Variants in LSM12 observed in about 807,000 individuals in gnomAD.
The protein encoded by LSM12 is protein LSM12.
For missense variants in LSM12, 108 were observed against 238.9 expected, an observed-to-expected ratio of 0.45 and a Z score of 3.61; for synonymous variants, 74 against 87.3, an observed-to-expected ratio of 0.85 and a Z score of 0.85.
chr17:44,063,077 C>T (rs1455643371), intron 2 of LSM12, among the ~76,000 whole-genome samples: 4 of 151,692 alleles, frequency 2.6e-5, no homozygotes, highest in South Asian at 2.1e-4. Flanking sequence ...TCAAAAAAAA[C>T]GCCGGGCGCA....
intron 3 of LSM12, among the ~76,000 whole-genome samples, chr17:44,038,962 G>A (rs1213234762): frequency 6.6e-6 from 1 of 152,200 alleles, no homozygotes; most frequent in Non-Finnish European, 1.5e-5. Flanking sequence ...ATGGCAGTGT[G>A]GGGTGGGGGG....
chr17:44,040,118 G>A lies in LSM12; in HGVS notation c.368+29C>T, dbSNP rs116244575. Reference sequence around the variant, plus strand: ...GCACAACCAGGTAGCATTACCCCAGGACAAAGGACCTCTCCGATCCCAACT... The same window carrying A: ...GCACAACCAGGTAGCATTACCCCAGAACAAAGGACCTCTCCGATCCCAACT... On this transcript the variant is annotated intron_variant, in intron 3 of 4. Transcript: ENST00000293406. 2,661 of 1,560,988 alleles carry A rather than the reference G, an allele frequency of 1.7e-3. 40 individuals carry two copies. The African/African-American group carries it at 0.032, about 19-fold the overall frequency.
At chr17:44,038,108 G>A (rs1272606300) in intron 3 of LSM12, among the ~76,000 whole-genome samples, 1 of 152,084 alleles carries the variant, frequency 6.6e-6, no homozygotes, top group Non-Finnish European at 1.5e-5. Context: ...CCGCGCTTTG[G>A]GAGGCCGAGG....
chr17:44,066,404 C>A lies in LSM12; in HGVS notation c.124+60G>T. ...CCCCAGCCGCCGCCGTCGTCCCCCA[C>A]CCCCCGACCACCGCACCTACACGCC... On this transcript the variant is annotated intron_variant, in intron 1 of 4. Transcript: ENST00000293406. 6 of 1,480,844 alleles carry A rather than the reference C, an allele frequency of 4.1e-6. No homozygotes were observed. The South Asian group carries it at 5.1e-5, about 13-fold the overall frequency. 91.7% of individuals were successfully genotyped at this position (1,480,844 alleles called of 1,614,324 possible).
intron 2 of LSM12, among the ~76,000 whole-genome samples, chr17:44,061,699 G>A (rs2049797653): frequency 6.6e-6 from 1 of 152,098 alleles, no homozygotes; most frequent in Admixed American, 6.6e-5. Flanking sequence ...TCCCAAGAGA[G>A]GCAAAGTAAT....
At chr17:44,038,696 C>G (rs2049448166) in intron 3 of LSM12, among the ~76,000 whole-genome samples, 1 of 152,142 alleles carries the variant, frequency 6.6e-6, no homozygotes, top group African/African-American at 2.4e-5. Flanking sequence ...TTCCTATGAT[C>G]TGTACTCTGA....
intron 2 of LSM12, among the ~76,000 whole-genome samples, chr17:44,057,534 G>T (rs540318447): frequency 2.0e-4 from 30 of 151,290 alleles, no homozygotes; most frequent in African/African-American, 7.0e-4. Context: ...GGCGGAGGTG[G>T]GCGGATCATG....
At chr17:44,040,073 C>T in intron 3 of LSM12, 74 bp downstream of exon 3, 1 of 1,168,182 alleles carries the variant, frequency 8.6e-7, no homozygotes, top group Non-Finnish European at 1.2e-6. Context: ...GACAACCACC[C>T]AAAAGCCTGC....
At chr17:44,062,965 G>A (rs1482790211) in intron 2 of LSM12, among the ~76,000 whole-genome samples, 1 of 151,994 alleles carries the variant, frequency 6.6e-6, no homozygotes, top group East Asian at 1.9e-4. Context: ...AACTACTCCA[G>A]AGGCTGAGGC....
intron 2 of LSM12, among the ~76,000 whole-genome samples, chr17:44,052,193 G>T (rs1313920240): frequency 6.6e-6 from 1 of 150,910 alleles, no homozygotes; most frequent in Non-Finnish European, 1.5e-5. Context: ...CTATGATCAT[G>T]TCACTGCATC....
chr17:44,039,158 G>A (rs995825468), intron 3 of LSM12, among the ~76,000 whole-genome samples: 3 of 152,022 alleles, frequency 2.0e-5, no homozygotes, highest in Admixed American at 6.6e-5. Flanking sequence ...GGGTTCAAGC[G>A]AATCTCCTGC....
At chr17:44,066,371 G>A (rs1004807861) in intron 1 of LSM12, 93 bp downstream of exon 1, 36 of 1,463,344 alleles carry the variant, frequency 2.5e-5, no homozygotes, top group African/African-American at 4.4e-5. Context: ...CCCTAGGCCC[G>A]GAGAGAGCCC....
chr17:44,043,804 A>G (rs1306973541), intron 2 of LSM12, among the ~76,000 whole-genome samples: 1 of 149,514 alleles, frequency 6.7e-6, no homozygotes, highest in Admixed American at 6.7e-5. Flanking sequence ...CCCTGCCTCT[A>G]TTAAAAAAAA....
Position 44,048,115 on chromosome 17 carries a change from TG to T in LSM12, c.259-7860del, listed in dbSNP as rs1420663336. 1.9e-4 allele frequency among the ~76,000 whole-genome samples: 29 copies of T among 152,170 alleles called. No individual in the cohort carries two copies. In the East Asian group the frequency reaches 4.6e-3, roughly 24 times the overall value. On this transcript the variant is annotated intron_variant, in intron 2 of 4. Coordinates refer to ENST00000293406, the MANE Select transcript of LSM12 (RefSeq NM_001371445.1). ...TTCTGGACACAAGTGCTCTGTAAGA[TG>T]TATGTTTTGCAAATTATTTCTCCCA...
At chr17:44,058,668 T>TA (rs1223582857) in intron 2 of LSM12, among the ~76,000 whole-genome samples, 1 of 151,976 alleles carries the variant, frequency 6.6e-6, no homozygotes, top group Non-Finnish European at 1.5e-5. Flanking sequence ...CCATCTCTAC[T>TA]AAAGATACAA....
intron 2 of LSM12, among the ~76,000 whole-genome samples, chr17:44,063,123 G>A (rs1226824004): frequency 1.3e-5 from 2 of 151,930 alleles, no homozygotes; most frequent in Non-Finnish European, 2.9e-5. Context: ...GGGCAGGCAT[G>A]GTGACGCATG....
chr17:44,061,305 G>A (rs1475034091), intron 2 of LSM12, among the ~76,000 whole-genome samples: 3 of 107,152 alleles, frequency 2.8e-5, no homozygotes, highest in African/African-American at 3.7e-5. Context: ...CAACAAGAGC[G>A]AAACTCCATC....
At chr17:44,044,088 A>C (rs2049530429) in intron 2 of LSM12, among the ~76,000 whole-genome samples, 2 of 152,192 alleles carry the variant, frequency 1.3e-5, no homozygotes, top group African/African-American at 4.8e-5. Context: ...ATAGCAGCTT[A>C]AAAACATAAC....
chr17:44,063,004 G>C (rs990681949), intron 2 of LSM12, among the ~76,000 whole-genome samples: 2 of 152,074 alleles, frequency 1.3e-5, no homozygotes, highest in African/African-American at 4.8e-5. Context: ...GGGAGGCGGA[G>C]GTTACAGTGA....
Sources: gnomAD v4.1 joint callset for allele counts (sites outside exome capture counted in the v4.1 genomes callset) on GRCh38, gnomAD v4.1.1 for gene constraint, MANE v1.5 for transcripts, NCBI Gene and HGNC (gene_info 2026-07-23, HGNC 2026-07-21) for gene names.